Variants in BNC2 observed in about 807,000 individuals in gnomAD.
The protein encoded by BNC2 is zinc finger protein basonuclin-2.
BNC2 carries 20 observed loss-of-function variants against 76.3 expected under a neutral mutation model. That is an observed-to-expected ratio of 0.26 (90% confidence interval 0.18 to 0.38). BNC2 has a LOEUF of 0.38. BNC2 is among the 10% of genes least tolerant of loss of function. The probability of loss-of-function intolerance (pLI) is 1.00; values close to 1 mark genes in which losing one functional copy is unlikely to be tolerated. For synonymous variants in BNC2, 582 were observed against 514.8 expected, an observed-to-expected ratio of 1.13 and a Z score of -1.77; for missense variants, 1,382 against 1,399.8, an observed-to-expected ratio of 0.99 and a Z score of 0.20.
chr9:16,769,834 C>T lies in BNC2; in HGVS notation c.4-31349G>A, dbSNP rs114532738. ...ATGTGGGTGGAGCTTGTCATTGAAGCTTGCAAACGTGAGAAAACCCTGATG... is the reference window on the plus strand; with the variant it reads ...ATGTGGGTGGAGCTTGTCATTGAAGTTTGCAAACGTGAGAAAACCCTGATG... On this transcript the variant is annotated intron_variant, in intron 1 of 6. Transcript: ENST00000380672. 2.0e-4 allele frequency among the ~76,000 whole-genome samples: 31 copies of T among 152,270 alleles called. 1 individual carries two copies. Among genetic ancestry groups the T allele is most frequent in the African/African-American group, 6.5e-4 (27 of 41,558 alleles).
In BNC2 at chr9:16,727,793, T is replaced by G. The variant is rs200133531; in HGVS notation, c.330+4A>C. 1.9e-6 allele frequency: 3 copies of G among 1,611,024 alleles called. No individual in the cohort carries two copies. The highest frequency in any genetic ancestry group is 2.5e-6 in the Non-Finnish European group (3 of 1,178,626). On this transcript the variant is annotated splice_donor_region_variant and intron_variant, in intron 3 of 6. Transcript: ENST00000380672. The stretch of plus-strand genomic sequence containing the variant: ...AAAAAAAATCAAGAAAGAAAGTAAC[T>G]TACCTGTTGGGACATTCTGAATAAG...
At chr9:16,770,619 T>C (rs955896134) in intron 1 of BNC2, among the ~76,000 whole-genome samples, 1 of 150,754 alleles carries the variant, frequency 6.6e-6, no homozygotes, top group East Asian at 2.0e-4. Context: ...ACACCTCTAT[T>C]TTTCAAAAAC....
At position 16,665,386 on chromosome 9, in the gene BNC2, A is replaced by AAG. The variant is rs55852227; in HGVS notation, c.330+62409_330+62410dup. On this transcript the variant is annotated intron_variant, in intron 3 of 6. Coordinates refer to ENST00000380672, the MANE Select transcript of BNC2 (RefSeq NM_017637.6). ...CCTCTGTCTCAAAAAAAAAAAAAAA[A>AAG]AGAGAGAGAGAGAGAGAAAGAGAGA... Among the ~76,000 whole-genome samples the AAG allele has an allele frequency of 5.1e-3, 427 of 84,284 alleles. 57 individuals are homozygous for AAG. The highest frequency in any genetic ancestry group is 0.029 in the East Asian group (61 of 2,120). The allele number at this position is 84,284 out of a possible 152,430, so 55.3% of individuals were successfully genotyped here.
At chr9:16,728,112 A>T in intron 2 of BNC2, 115 bp from the exon 3 acceptor site, 11 of 384,784 alleles carry the variant, frequency 2.9e-5, no homozygotes, top group Non-Finnish European at 4.5e-5. Context: ...GATTTGGGGG[A>T]GGGAGGGGGT....
intron 3 of BNC2, among the ~76,000 whole-genome samples, chr9:16,655,128 G>A (rs1435912045): frequency 6.6e-6 from 1 of 151,526 alleles, no homozygotes; most frequent in Non-Finnish European, 1.5e-5. Flanking sequence ...CAGAATCCTT[G>A]CCACATTATG....
At chr9:16,528,338 C>A (rs1462780802) in intron 5 of BNC2, among the ~76,000 whole-genome samples, 1 of 152,102 alleles carries the variant, frequency 6.6e-6, no homozygotes, top group Non-Finnish European at 1.5e-5. Context: ...CAGAAATTTT[C>A]AGTTCCTAGA....
At chr9:16,584,969 A>G (rs1178461346) in intron 3 of BNC2, among the ~76,000 whole-genome samples, 1 of 151,942 alleles carries the variant, frequency 6.6e-6, no homozygotes, top group East Asian at 1.9e-4. Flanking sequence ...TAAATGCTTT[A>G]AAAAAAATAG....
intron 1 of BNC2, among the ~76,000 whole-genome samples, chr9:16,814,100 T>C (rs1818123070): frequency 6.6e-6 from 1 of 152,230 alleles, no homozygotes; most frequent in Non-Finnish European, 1.5e-5. Flanking sequence ...TTTCTGGCCC[T>C]ACTTGTTTCA....
intron 4 of BNC2, among the ~76,000 whole-genome samples, chr9:16,577,682 A>G (rs1293475143): frequency 6.6e-6 from 1 of 152,228 alleles, no homozygotes; most frequent in Non-Finnish European, 1.5e-5. Flanking sequence ...ATGTAAAACT[A>G]TCTTTTCCTC....
intron 3 of BNC2, among the ~76,000 whole-genome samples, chr9:16,602,597 C>T (rs952869196): frequency 2.6e-5 from 4 of 152,186 alleles, no homozygotes; most frequent in South Asian, 2.1e-4. Flanking sequence ...CACTCAGGCC[C>T]GCTTTCACAG....
intron 5 of BNC2, among the ~76,000 whole-genome samples, chr9:16,486,342 G>C (rs983773346): frequency 6.6e-6 from 1 of 152,168 alleles, no homozygotes. Context: ...CAGAATAGTA[G>C]TATCATTCCT....
intron 3 of BNC2, among the ~76,000 whole-genome samples, chr9:16,635,394 G>A (rs1821293841): frequency 6.6e-6 from 1 of 152,000 alleles, no homozygotes; most frequent in African/African-American, 2.4e-5. Flanking sequence ...CTTGGTCTCT[G>A]TCAGATAAAA....
intron 5 of BNC2, among the ~76,000 whole-genome samples, chr9:16,523,853 G>C (rs1387032069): frequency 2.6e-5 from 4 of 152,102 alleles, no homozygotes; most frequent in Admixed American, 1.3e-4. Flanking sequence ...TTGAACCCAG[G>C]AGGCAGAGAT....
At chr9:16,479,623 A>G (rs1437247103) in intron 5 of BNC2, among the ~76,000 whole-genome samples, 1 of 152,194 alleles carries the variant, frequency 6.6e-6, no homozygotes, top group Non-Finnish European at 1.5e-5. Flanking sequence ...TTTATGTATC[A>G]TTGATCAGCA....
intron 3 of BNC2, among the ~76,000 whole-genome samples, chr9:16,639,608 G>GA (rs939317219): frequency 3.3e-5 from 5 of 151,442 alleles, no homozygotes; most frequent in Admixed American, 3.3e-4. Flanking sequence ...CAACACATGT[G>GA]AAAACACAGG....
chr9:16,788,255 T>C (rs12341542), intron 1 of BNC2, among the ~76,000 whole-genome samples: 16,519 of 152,106 alleles, frequency 0.11, 1,160 homozygotes, highest in Admixed American at 0.23. Flanking sequence ...TGACACTCCA[T>C]AAAGAGGTCA....
At chr9:16,691,001 A>C (rs558170539) in intron 3 of BNC2, among the ~76,000 whole-genome samples, 2 of 152,274 alleles carry the variant, frequency 1.3e-5, no homozygotes, top group East Asian at 3.9e-4. Context: ...GATAGGAGCA[A>C]CCTCTGCAGG....
At chr9:16,582,161 G>A (rs1343470062) in intron 4 of BNC2, among the ~76,000 whole-genome samples, 1 of 151,836 alleles carries the variant, frequency 6.6e-6, no homozygotes, top group African/African-American at 2.4e-5. Flanking sequence ...CTCAAGCCAG[G>A]ATTTCTTTTT....
chr9:16,601,565 G>T (rs927969396), intron 3 of BNC2, among the ~76,000 whole-genome samples: 5 of 152,112 alleles, frequency 3.3e-5, no homozygotes, highest in Non-Finnish European at 7.4e-5. Context: ...TTCTCAGAGG[G>T]AGCTGAGTCC....
Sources: gnomAD v4.1 joint callset for allele counts (sites outside exome capture counted in the v4.1 genomes callset) on GRCh38, gnomAD v4.1.1 for gene constraint, MANE v1.5 for transcripts, NCBI Gene and HGNC (gene_info 2026-07-23, HGNC 2026-07-21) for gene names.